Variants in USP24 observed in about 807,000 individuals in gnomAD.
USP24 encodes the protein ubiquitin carboxyl-terminal hydrolase 24.
USP24 carries 97 observed loss-of-function variants against 361.6 expected under a neutral mutation model. The ratio of observed to expected loss-of-function variants is 0.27; its 90% CI spans 0.23 to 0.32. The LOEUF is 0.32. Among genes scored for constraint, USP24 ranks in the 10% least tolerant of loss-of-function variants. The probability of loss-of-function intolerance (pLI) is 1.00; values close to 1 mark genes in which losing one functional copy is unlikely to be tolerated. For missense variants in USP24, 2,353 were observed against 3,165.6 expected (o/e 0.74, Z 6.16); for synonymous variants, 1,098 against 1,124.6 (o/e 0.98, Z 0.47).
At chr1:55,095,507 T>C in intron 50 of USP24, 111 bp from the exon 51 acceptor site, 3 of 1,201,192 alleles carry the variant, frequency 2.5e-6, no homozygotes, top group South Asian at 1.6e-5. Flanking sequence ...CTCCCTAAGT[T>C]TGTAAAATGC....
chr1:55,075,638 A>C, intron 62 of USP24, 115 bp from the exon 63 acceptor site: 1 of 476,582 alleles, frequency 2.1e-6, no homozygotes, highest in East Asian at 3.3e-5. Context: ...AACAACAACA[A>C]CAACAACAAC....
chr1:55,111,037 C>T (rs1248450736), intron 38 of USP24, among the ~76,000 whole-genome samples: 1 of 152,012 alleles, frequency 6.6e-6, no homozygotes, highest in African/African-American at 2.4e-5. Flanking sequence ...TTAGGCCAGT[C>T]TGAGGATTAA....
chr1:55,199,297 A>C (rs2100910497), intron 1 of USP24, among the ~76,000 whole-genome samples: 1 of 151,770 alleles, frequency 6.6e-6, no homozygotes, highest in East Asian at 1.9e-4. Context: ...TCCAAAAAAC[A>C]AAAAAACAAA....
At chr1:55,106,394 A>C (rs2100530019) in intron 40 of USP24, 131 bp from the exon 41 acceptor site, 1 of 694,378 alleles carries the variant, frequency 1.4e-6, no homozygotes, top group East Asian at 2.7e-5. Context: ...AGTTTAATTT[A>C]ATGTTTGTTT....
chr1:55,080,948 A>C (rs1342525257), intron 59 of USP24, among the ~76,000 whole-genome samples: 1 of 152,188 alleles, frequency 6.6e-6, no homozygotes, highest in Non-Finnish European at 1.5e-5. Flanking sequence ...TTCATTTTGC[A>C]CTGAAGATCA....
At chr1:55,141,772 A>C in intron 23 of USP24, 41 bp from the exon 24 acceptor site, 177 of 1,524,478 alleles carry the variant, frequency 1.2e-4, no homozygotes, top group Non-Finnish European at 1.5e-4. Context: ...AGGGTTTCTC[A>C]ACCTGGACTC....
intron 56 of USP24, 142 bp downstream of exon 56, chr1:55,085,800 T>C: frequency 1.4e-6 from 1 of 736,042 alleles, no homozygotes; most frequent in Non-Finnish European, 2.2e-6. Context: ...CTCCCTGGCA[T>C]GTACCAAAAA....
chr1:55,203,316 C>T (rs1464006428), intron 1 of USP24, among the ~76,000 whole-genome samples: 2 of 152,154 alleles, frequency 1.3e-5, no homozygotes, highest in Non-Finnish European at 2.9e-5. Context: ...GTAAAGTAAA[C>T]AAAAGACATC....
chr1:55,158,493 C>A (rs1039285236), intron 10 of USP24, among the ~76,000 whole-genome samples: 3 of 152,158 alleles, frequency 2.0e-5, no homozygotes. Context: ...TTTGCTTTGA[C>A]CAACACTGCT....
chr1:55,181,786 A>C (rs183993920), intron 1 of USP24, among the ~76,000 whole-genome samples: 1 of 152,118 alleles, frequency 6.6e-6, no homozygotes, highest in African/African-American at 2.4e-5. Context: ...AATTGTGTCT[A>C]CTCCCCCAAA....
intron 67 of USP24, chr1:55,071,229 C>T (rs1644912907): frequency 5.1e-6 from 5 of 987,394 alleles, no homozygotes; most frequent in Non-Finnish European, 6.0e-6. Context: ...AGGAAAGTTA[C>T]AGACTATTGG....
intron 3 of USP24, among the ~76,000 whole-genome samples, chr1:55,174,513 A>G (rs1269331056): frequency 6.6e-6 from 1 of 152,254 alleles, no homozygotes; most frequent in Non-Finnish European, 1.5e-5. Context: ...TTACAGAAAA[A>G]TGACCAACCA....
At chr1:55,103,540 G>A (rs191843504) in intron 42 of USP24, among the ~76,000 whole-genome samples, 1 of 152,296 alleles carries the variant, frequency 6.6e-6, no homozygotes, top group East Asian at 1.9e-4. Context: ...CTGTGATAGA[G>A]CCAATGTTTA....
At chr1:55,198,307 T>TC (rs1378998430) in intron 1 of USP24, among the ~76,000 whole-genome samples, 2 of 152,146 alleles carry the variant, frequency 1.3e-5, no homozygotes, top group African/African-American at 4.8e-5. Context: ...AGAAAGATAC[T>TC]CCATGTTCTC....
intron 54 of USP24, among the ~76,000 whole-genome samples, chr1:55,091,395 G>A (rs1158959371): frequency 1.3e-5 from 2 of 152,066 alleles, no homozygotes; most frequent in Non-Finnish European, 2.9e-5. Context: ...CCTCCCTTTT[G>A]TGGAAAAATT....
At position 55,099,889 on chromosome 1, in the gene USP24, T is replaced by A; in HGVS notation, c.5272-20A>T. ...GAAAATCTATATAACAAAAATTAAATGTTTTTAAAGGAAAAGTAGCAATTT... is the reference window on the plus strand; with the variant it reads ...GAAAATCTATATAACAAAAATTAAAAGTTTTTAAAGGAAAAGTAGCAATTT... On this transcript the variant is annotated intron_variant, in intron 44 of 67. Coordinates refer to ENST00000294383, the MANE Select transcript of USP24 (RefSeq NM_015306.3). 2 of 1,525,420 alleles carry A rather than the reference T, an allele frequency of 1.3e-6. No homozygotes were observed. Among genetic ancestry groups the A allele is most frequent in the Non-Finnish European group, 8.8e-7 (1 of 1,130,250 alleles). 94.5% of individuals were successfully genotyped at this position (1,525,420 alleles called of 1,614,324 possible).
intron 16 of USP24, 53 bp downstream of exon 16, chr1:55,153,817 G>A: frequency 6.9e-7 from 1 of 1,456,924 alleles, no homozygotes; most frequent in East Asian, 2.5e-5. Flanking sequence ...ATTTATTAAA[G>A]GAAATTATTA....
At chr1:55,165,791 T>C (rs1276586970) in intron 7 of USP24, 94 bp downstream of exon 7, 3 of 1,019,496 alleles carry the variant, frequency 2.9e-6, no homozygotes, top group Non-Finnish European at 4.0e-6. Context: ...TAATTTAACA[T>C]TTAACTTGGC....
intron 16 of USP24, chr1:55,152,110 C>T (rs1647214988): frequency 4.7e-6 from 2 of 425,796 alleles, no homozygotes; most frequent in African/African-American, 2.2e-5. Flanking sequence ...TGTAAAAGTC[C>T]ATGAAAGCAC....
Sources: gnomAD v4.1 joint callset for allele counts (sites outside exome capture counted in the v4.1 genomes callset) on GRCh38, gnomAD v4.1.1 for gene constraint, MANE v1.5 for transcripts, NCBI Gene and HGNC (gene_info 2026-07-23, HGNC 2026-07-21) for gene names.